Variants in PAK1 observed in about 807,000 individuals in gnomAD.
The protein encoded by PAK1 is p21 (RAC1) activated kinase 1.
PAK1 carries 29 observed loss-of-function variants against 67.4 expected under a neutral mutation model. The observed-to-expected ratio is 0.43, with a 90% CI of 0.32 to 0.59. PAK1 has a LOEUF of 0.59. PAK1 is among the 20% of genes least tolerant of loss of function. The pLI, the probability that PAK1 is intolerant of heterozygous loss-of-function variation, is 0.07. For synonymous variants in PAK1, 223 were observed against 237.4 expected, an observed-to-expected ratio of 0.94 and a Z score of 0.56; for missense variants, 337 against 670.7, an observed-to-expected ratio of 0.50 and a Z score of 5.50.
chr11:77,349,956 T>C (rs1321968670), intron 8 of PAK1, among the ~76,000 whole-genome samples: 1 of 152,304 alleles, frequency 6.6e-6, no homozygotes, highest in African/African-American at 2.4e-5. Flanking sequence ...ACTGGTTACA[T>C]AGGCGTGTTC....
At chr11:77,339,011 T>C (rs1943168096) in intron 11 of PAK1, among the ~76,000 whole-genome samples, 2 of 152,130 alleles carry the variant, frequency 1.3e-5, no homozygotes, top group Non-Finnish European at 2.9e-5. Flanking sequence ...ATTATGATGG[T>C]GGCTGTACAA....
chr11:77,423,443 C>CACACA (rs1955391327), intron 1 of PAK1, among the ~76,000 whole-genome samples: 1 of 124,514 alleles, frequency 8.0e-6, no homozygotes, highest in Non-Finnish European at 1.8e-5. Flanking sequence ...ACACACACAC[C>CACACA]CCTTAGGACA....
chr11:77,352,539 A>C (rs548169108), intron 8 of PAK1, among the ~76,000 whole-genome samples: 1 of 152,292 alleles, frequency 6.6e-6, no homozygotes, highest in East Asian at 1.9e-4. Flanking sequence ...GTACAGTCTA[A>C]GTGTACAGGG....
At position 77,417,739 on chromosome 11, in the gene PAK1, T is replaced by C. The variant is rs1467955668; in HGVS notation, c.-21-25198A>G. Among the ~76,000 whole-genome samples the C allele has an allele frequency of 7.5e-4, 34 of 45,380 alleles. No individual in the cohort carries two copies. In the African/African-American group the frequency reaches 7.9e-3, roughly 10 times the overall value. The allele number at this position is 45,380 out of a possible 152,430, so 29.8% of individuals were successfully genotyped here. A position where few individuals can be genotyped will look rare whatever the true frequency, so the allele number is the denominator to read the frequency against. ...ATTCTGCGTTTTCTTTTTTCTTTTCTTTTTTTTTTTTTGAGACAGAGTTTC... is the reference window on the plus strand; with the variant it reads ...ATTCTGCGTTTTCTTTTTTCTTTTCCTTTTTTTTTTTTGAGACAGAGTTTC... On this transcript the variant is annotated intron_variant, in intron 1 of 14. Transcript: ENST00000356341.
At chr11:77,519,025 A>G in the PAK1 span, among the ~76,000 whole-genome samples, 1 of 152,192 alleles carries the variant, frequency 6.6e-6, no homozygotes, top group Non-Finnish European at 1.5e-5. Flanking sequence ...CTCCCTTGAT[A>G]CTGCATACAC....
At chr11:77,358,711 A>C in intron 6 of PAK1, 187 bp downstream of exon 6, 1 of 668,150 alleles carries the variant, frequency 1.5e-6, no homozygotes. Context: ...ATGATAAATA[A>C]ACACATGATT....
chr11:77,404,636 A>C (rs1014063645), intron 1 of PAK1, among the ~76,000 whole-genome samples: 7 of 152,074 alleles, frequency 4.6e-5, no homozygotes, highest in Admixed American at 4.6e-4. Context: ...CCTCAAATCT[A>C]TGTGCCTCCC....
chr11:77,469,710 G>A (rs576195042), intron 1 of PAK1, among the ~76,000 whole-genome samples: 2 of 150,388 alleles, frequency 1.3e-5, no homozygotes, highest in South Asian at 4.2e-4. Flanking sequence ...TTTAATAATG[G>A]GCATAGAAAA....
At chr11:77,342,452 G>C in intron 10 of PAK1, among the ~76,000 whole-genome samples, 1 of 152,088 alleles carries the variant, frequency 6.6e-6, no homozygotes, top group East Asian at 1.9e-4. Flanking sequence ...TTGTGAGACA[G>C]GCCATACCCT....
At chr11:77,339,216 A>G (rs1157525378) in intron 11 of PAK1, among the ~76,000 whole-genome samples, 1 of 152,152 alleles carries the variant, frequency 6.6e-6, no homozygotes, top group Non-Finnish European at 1.5e-5. Flanking sequence ...ATATAGTGTG[A>G]ATGTTGCAAT....
chr11:77,463,090 G>T (rs888982709), intron 1 of PAK1, among the ~76,000 whole-genome samples: 23 of 152,036 alleles, frequency 1.5e-4, no homozygotes, highest in African/African-American at 5.6e-4. Context: ...CTGGAACTTA[G>T]GGTCTAGTAG....
In PAK1 at chr11:77,336,156, C is replaced by A; in HGVS notation, c.1343G>T (p.Trp448Leu). 2 of 1,613,720 alleles carry A rather than the reference C, an allele frequency of 1.2e-6. No homozygotes were observed. Among genetic ancestry groups the A allele is most frequent in the Non-Finnish European group, 1.7e-6 (2 of 1,179,632 alleles). Residue 448 changes from tryptophan to leucine, a missense_variant, in exon 13 of 15, where the codon TGG (tryptophan) becomes TTG (leucine). By Grantham distance (61) the Trp-to-Leu change is moderately conservative (BLOSUM62 -2). Transcript: ENST00000356341. The part of the protein sequence containing the change: ...RKAYGPKVDI[W>L]SLGIMAIEMI... ...TTCGATGGCCATGATGCCCAGGGACCAGATGTCAACCTTGGGCCCATAGGC... is the reference window on the plus strand; with the variant it reads ...TTCGATGGCCATGATGCCCAGGGACAAGATGTCAACCTTGGGCCCATAGGC...
At chr11:77,488,223 G>C in the PAK1 span, among the ~76,000 whole-genome samples, 1 of 152,144 alleles carries the variant, frequency 6.6e-6, no homozygotes, top group African/African-American at 2.4e-5. Flanking sequence ...ACTGGGCTTG[G>C]GGTTGCCCCT....
chr11:77,382,060 G>A (rs934927717), intron 2 of PAK1, among the ~76,000 whole-genome samples: 1 of 152,136 alleles, frequency 6.6e-6, no homozygotes, highest in African/African-American at 2.4e-5. Context: ...GTCACTTAGG[G>A]AAGTACAATT....
At chr11:77,465,002 G>GTC (rs796392190) in intron 1 of PAK1, among the ~76,000 whole-genome samples, 3,127 of 150,744 alleles carry the variant, frequency 0.021, 103 homozygotes, top group African/African-American at 0.069. Context: ...GTGTGTGTGT[G>GTC]TGTGTGTGTG....
intron 4 of PAK1, among the ~76,000 whole-genome samples, 161 bp from the exon 5 acceptor site, chr11:77,374,526 A>AT (rs1389670431): frequency 6.6e-6 from 1 of 152,222 alleles, no homozygotes; most frequent in African/African-American, 2.4e-5. Context: ...TGCATTATAC[A>AT]TATCACCTTC....
intron 1 of PAK1, among the ~76,000 whole-genome samples, chr11:77,399,581 C>T (rs1424016075): frequency 1.3e-5 from 2 of 151,964 alleles, no homozygotes; most frequent in African/African-American, 4.8e-5. Flanking sequence ...TAAGATTGGC[C>T]GGGCGCGGTG....
At chr11:77,457,343 G>A (rs759378083) in intron 1 of PAK1, among the ~76,000 whole-genome samples, 3 of 152,100 alleles carry the variant, frequency 2.0e-5, no homozygotes, top group Non-Finnish European at 2.9e-5. Flanking sequence ...AACTAAGGTC[G>A]TGTTCAACTT....
chr11:77,383,325 T>C (rs1447656458), intron 2 of PAK1, among the ~76,000 whole-genome samples: 4 of 150,386 alleles, frequency 2.7e-5, no homozygotes, highest in African/African-American at 9.8e-5. Flanking sequence ...TGTGTAATTT[T>C]TTTTTTTTTT....
Sources: gnomAD v4.1 joint callset for allele counts (sites outside exome capture counted in the v4.1 genomes callset) on GRCh38, gnomAD v4.1.1 for gene constraint, MANE v1.5 for transcripts, NCBI Gene and HGNC (gene_info 2026-07-23, HGNC 2026-07-21) for gene names.